Variants in NKAIN3 observed in about 807,000 individuals in gnomAD.
NKAIN3 encodes sodium/potassium transporting ATPase interacting 3.
In NKAIN3, 25 loss-of-function variants were observed where a neutral mutation model predicts 30.2. The ratio of observed to expected loss-of-function variants is 0.83; its 90% CI spans 0.60 to 1.16. The LOEUF is 1.16. Ranked by LOEUF, NKAIN3 falls within the 50% of genes most tolerant of loss-of-function variation. The pLI is 0.00. For synonymous variants in NKAIN3, 91 were observed against 89.6 expected, an observed-to-expected ratio of 1.02 and a Z score of -0.09; for missense variants, 225 against 254.1, an observed-to-expected ratio of 0.89 and a Z score of 0.78.
intron 1 of NKAIN3, among the ~76,000 whole-genome samples, chr8:62,563,251 AG>A (rs1809645333): frequency 6.6e-6 from 1 of 152,144 alleles, no homozygotes; most frequent in African/African-American, 2.4e-5. Flanking sequence ...AAGAGGAGTT[AG>A]GTTTTGGGAC....
intron 4 of NKAIN3, among the ~76,000 whole-genome samples, chr8:62,797,219 T>G (rs1257126030): frequency 6.6e-6 from 1 of 152,190 alleles, no homozygotes; most frequent in African/African-American, 2.4e-5. Context: ...TAAATGGATT[T>G]TTTCCAGACC....
chr8:62,745,324 G>T (rs1254858378), intron 3 of NKAIN3, among the ~76,000 whole-genome samples: 2 of 152,204 alleles, frequency 1.3e-5, no homozygotes, highest in Non-Finnish European at 2.9e-5. Context: ...CAAAAGTCAC[G>T]TACGGACCCT....
intron 4 of NKAIN3, among the ~76,000 whole-genome samples, chr8:62,763,529 C>G (rs1256484440): frequency 2.0e-5 from 3 of 152,048 alleles, no homozygotes; most frequent in Non-Finnish European, 4.4e-5. Flanking sequence ...AAAATATTTG[C>G]AATACACAAT....
intron 1 of NKAIN3, among the ~76,000 whole-genome samples, chr8:62,314,653 T>A (rs1814554175): frequency 6.6e-6 from 1 of 152,202 alleles, no homozygotes; most frequent in African/African-American, 2.4e-5. Context: ...GGTCACTCGC[T>A]TGTCAAGCTA....
chr8:62,614,774 G>A (rs569977201), intron 3 of NKAIN3, among the ~76,000 whole-genome samples: 14 of 151,968 alleles, frequency 9.2e-5, no homozygotes, highest in South Asian at 2.1e-4. Flanking sequence ...GCTTCATGTC[G>A]TAGCCACTGC....
rs1289523083 is a variant in NKAIN3 at position 62,704,649 on chromosome 8, A to G, written c.274-42283A>G. 2.0e-5 allele frequency among the ~76,000 whole-genome samples: 3 copies of G among 152,228 alleles called. No homozygotes were observed. The East Asian group carries it at 5.8e-4, about 29-fold the overall frequency. The stretch of plus-strand genomic sequence containing the variant: ...ATTTGGCTTGACTCTCCAGCTGGTC[A>G]GATATCCCAAAGAGAGCCTTCTAGA... On this transcript the variant is annotated intron_variant, in intron 3 of 6. Transcript: ENST00000623646.
rs145970844 is a variant in NKAIN3 at position 62,637,201 on chromosome 8, C to A, written c.273+47407C>A. 2.6e-5 allele frequency among the ~76,000 whole-genome samples: 4 copies of A among 152,332 alleles called. No individual in the cohort carries two copies. In the East Asian group the frequency reaches 7.7e-4, roughly 29 times the overall value. On this transcript the variant is annotated intron_variant, in intron 3 of 6. Transcript: ENST00000623646. ...AGTGTCTCTCCCAAAGACTTTTCAT[C>A]CTTTCCATTTCCTGGCATCTTTGAA...
chr8:62,394,094 A>G (rs977681731), intron 1 of NKAIN3, among the ~76,000 whole-genome samples: 1 of 152,136 alleles, frequency 6.6e-6, no homozygotes, highest in African/African-American at 2.4e-5. Context: ...TTGTCTTGCT[A>G]TACTTGCAGC....
At chr8:62,915,325 A>G (rs1169064384) in intron 4 of NKAIN3, among the ~76,000 whole-genome samples, 1 of 152,202 alleles carries the variant, frequency 6.6e-6, no homozygotes, top group Non-Finnish European at 1.5e-5. Context: ...TAAGTTGTCC[A>G]GGTGTGTCCA....
chr8:62,332,383 T>C (rs1815386120), intron 1 of NKAIN3, among the ~76,000 whole-genome samples: 1 of 152,140 alleles, frequency 6.6e-6, no homozygotes, highest in Non-Finnish European at 1.5e-5. Context: ...GACTTGAGCA[T>C]AAATCTAAAT....
intron 1 of NKAIN3, among the ~76,000 whole-genome samples, chr8:62,386,047 G>T (rs189080488): frequency 6.6e-6 from 1 of 152,140 alleles, no homozygotes; most frequent in African/African-American, 2.4e-5. Context: ...TTCTCAAAGC[G>T]CTGGGTACAA....
intron 3 of NKAIN3, among the ~76,000 whole-genome samples, chr8:62,707,812 T>C (rs1289087178): frequency 6.6e-6 from 1 of 152,164 alleles, no homozygotes; most frequent in Non-Finnish European, 1.5e-5. Flanking sequence ...AGCCAATGTC[T>C]AGAAAGATTC....
chr8:62,788,795 T>C (rs7819455), intron 4 of NKAIN3, among the ~76,000 whole-genome samples: 133,032 of 151,336 alleles, frequency 0.88, 58,601 homozygotes, highest in Admixed American at 0.9. Flanking sequence ...ATAGGGAATC[T>C]TTTCCCCATT....
intron 3 of NKAIN3, among the ~76,000 whole-genome samples, chr8:62,635,464 C>A (rs1380316213): frequency 6.6e-6 from 1 of 152,180 alleles, no homozygotes; most frequent in East Asian, 1.9e-4. Context: ...TTCTGCACAG[C>A]ATGCCTGAAT....
At chr8:62,771,164 G>A (rs993680143) in intron 4 of NKAIN3, among the ~76,000 whole-genome samples, 33 of 152,114 alleles carry the variant, frequency 2.2e-4, no homozygotes, top group African/African-American at 7.0e-4. Context: ...ACAGTGGCTC[G>A]CACCTGTAAT....
At chr8:62,670,110 C>A (rs1813253979) in intron 3 of NKAIN3, among the ~76,000 whole-genome samples, 1 of 152,040 alleles carries the variant, frequency 6.6e-6, no homozygotes, top group African/African-American at 2.4e-5. Flanking sequence ...CAACAAAAAA[C>A]CATTGACGAG....
chr8:62,946,175 C>T (rs1171674825), intron 5 of NKAIN3, among the ~76,000 whole-genome samples: 1 of 152,120 alleles, frequency 6.6e-6, no homozygotes, highest in African/African-American at 2.4e-5. Context: ...GGCACTTGGG[C>T]ATCATCTCCC....
chr8:62,880,147 A>G (rs1056487479), intron 4 of NKAIN3, among the ~76,000 whole-genome samples: 1 of 152,154 alleles, frequency 6.6e-6, no homozygotes, highest in Admixed American at 6.6e-5. Context: ...GCTAGGTGTT[A>G]TTATTATTAT....
chr8:62,815,291 A>G (rs1185780071), intron 4 of NKAIN3, among the ~76,000 whole-genome samples: 3 of 152,166 alleles, frequency 2.0e-5, no homozygotes, highest in African/African-American at 7.2e-5. Flanking sequence ...TACCAGAGGT[A>G]CAAGGAGGAA....
Sources: allele counts gnomAD v4.1 joint callset (sites outside exome capture counted in the v4.1 genomes callset), GRCh38; gene constraint gnomAD v4.1.1; transcripts MANE v1.5; gene names NCBI Gene and HGNC (gene_info 2026-07-23, HGNC 2026-07-21).